NR1D1: variants seen among roughly 807,000 people sequenced by gnomAD.
The protein encoded by NR1D1 is nuclear receptor subfamily 1 group D member 1.
Under a neutral mutation model 51.1 loss-of-function variants are expected in NR1D1, and 17 were observed. That is an observed-to-expected ratio of 0.33 (90% CI 0.23 to 0.50). NR1D1 has a LOEUF of 0.50. Ranked by LOEUF, NR1D1 falls within the 20% of genes least tolerant of loss-of-function variation. The probability of loss-of-function intolerance (pLI) is 0.98; values close to 1 mark genes in which losing one functional copy is unlikely to be tolerated. For missense variants in NR1D1, 647 were observed against 830.4 expected, an observed-to-expected ratio of 0.78 and a Z score of 2.71; for synonymous variants, 341 against 333.4, an observed-to-expected ratio of 1.02 and a Z score of -0.25.
Position 40,097,366 on chromosome 17 carries a change from G to A in NR1D1, c.69C>T (p.Ser23=), listed in dbSNP as rs1219265890. ...GGGATTCAGGGCTGGTGCGGCTTGG[G>A]GAGGAGCCACTGGAGCCAATGTAGG... ...VITYIGSSGS[S]PSRTSPESLY... Residue 23 remains serine, a synonymous_variant, in exon 2 of 8, where the codon TCC becomes TCT. Coordinates refer to ENST00000246672, the MANE Select transcript of NR1D1 (RefSeq NM_021724.5). The A allele has an allele frequency of 6.2e-7, 1 of 1,613,100 alleles. No homozygotes were observed. Among genetic ancestry groups the A allele is most frequent in the Non-Finnish European group, 8.5e-7 (1 of 1,179,638 alleles).
intron 1 of NR1D1, among the ~76,000 whole-genome samples, chr17:40,098,922 G>A (rs1987816897): frequency 6.6e-6 from 1 of 152,156 alleles, no homozygotes; most frequent in South Asian, 2.1e-4. Flanking sequence ...AGTGAGAAGG[G>A]TGGTTAGGGG....
In NR1D1 at chr17:40,096,531, A is replaced by C. The variant is rs1296041206; in HGVS notation, c.516T>G (p.Asn172Lys). The C allele has an allele frequency of 6.2e-7, 1 of 1,614,094 alleles. No homozygotes were observed. ...QNIQYKRCLK[N>K]ENCSIVRINR... ...TGATGCGGACGATGGAGCAATTCTC[A>C]TTCTTCAGACACCTTTTGTACTGGA... is the stretch of plus-strand genomic sequence containing the variant. The change falls in exon 4 of 8, where the codon AAT (asparagine) becomes AAG (lysine). Residue 172 changes from asparagine to lysine, a missense_variant. Physicochemically the swap from Asn to Lys is moderately conservative, Grantham distance 94. Around this residue, in one of 7 missense-constraint regions of NR1D1, gnomAD observed 70 missense variants for 134.8 expected, o/e 0.52. Transcript: ENST00000246672.
Position 40,100,453 on chromosome 17 carries a change from C to T in NR1D1, c.-359G>A, listed in dbSNP as rs1366652150. On this transcript the variant is annotated 5_prime_UTR_variant, in exon 1 of 8. Transcript: ENST00000246672. ...GCGCTGCGGGGTGGCGAATCTGGAGCTCCCGGTGCAAAAGTCCCAGAGGAA... is the reference window on the plus strand; with the variant it reads ...GCGCTGCGGGGTGGCGAATCTGGAGTTCCCGGTGCAAAAGTCCCAGAGGAA... 4.3e-6 allele frequency: 2 copies of T among 463,134 alleles called. No homozygotes were observed. Among genetic ancestry groups the T allele is most frequent in the African/African-American group, 2.0e-5 (1 of 50,584 alleles). The allele number at this position is 463,134 out of a possible 1,614,324, so 28.7% of individuals were successfully genotyped here. A position where few individuals can be genotyped will look rare whatever the true frequency, so the allele number is the denominator to read the frequency against.
chr17:40,096,180 G>C, intron 4 of NR1D1, 93 bp from the exon 5 acceptor site: 3 of 1,510,310 alleles, frequency 2.0e-6, no homozygotes, highest in South Asian at 1.3e-5. Flanking sequence ...GGCCCTGAAG[G>C]CTTGGGGTTT....
At position 40,093,547 on chromosome 17, in the gene NR1D1, G is replaced by T. The variant is rs1598401601; in HGVS notation, c.1646-265C>A. ...TCCCTTCCTCAGCAGGCCAAACATG[G>T]CCAGACTCCCTTGCTTTTTGCTGTG... On this transcript the variant is annotated intron_variant, in intron 7 of 7. Coordinates refer to ENST00000246672, the MANE Select transcript of NR1D1 (RefSeq NM_021724.5). This position sits in a 1 kb window ranked among gnomAD's most constrained non-coding sequence, Gnocchi z 5.9. The T allele has an allele frequency of 8.8e-7, 1 of 1,131,874 alleles. No homozygotes were observed. The highest frequency in any genetic ancestry group is 2.6e-5 in the East Asian group (1 of 38,656). 70.1% of individuals were successfully genotyped at this position (1,131,874 alleles called of 1,614,324 possible).
In NR1D1 at chr17:40,099,325, G is replaced by T. The variant is rs1052161328; in HGVS notation, c.31+739C>A. Among the ~76,000 whole-genome samples the T allele has an allele frequency of 3.3e-5, 5 of 152,242 alleles. No individual in the cohort carries two copies. In the South Asian group the frequency reaches 1.0e-3, roughly 31 times the overall value. ...AGGACAACCTAGGGGAGGAGAGAAG[G>T]GAACACGCGTTGCCGGGGCGACCGG... On this transcript the variant is annotated intron_variant, in intron 1 of 7. Transcript: ENST00000246672.
At position 40,095,641 on chromosome 17, in the gene NR1D1, G is replaced by A; in HGVS notation, c.1051C>T (p.His351Tyr). 1.2e-6 allele frequency: 2 copies of A among 1,612,254 alleles called. No individual in the cohort carries two copies. The highest frequency in any genetic ancestry group is 1.7e-6 in the Non-Finnish European group (2 of 1,178,798). ...NDNNTLAAQR[H>Y]NEALNGLRQA... ...CGCAGACCATTTAGGGCCTCGTTAT[G>A]ACGCTGGGCAGCCAAGGTGTTGTTG... The change falls in exon 5 of 8, where the codon CAT (histidine) becomes TAT (tyrosine). Residue 351 changes from histidine (H) to tyrosine (Y), a missense_variant. His to Tyr is a moderately conservative substitution (Grantham distance 83, BLOSUM62 2). Coordinates refer to ENST00000246672, the MANE Select transcript of NR1D1 (RefSeq NM_021724.5).
intron 4 of NR1D1, 91 bp from the exon 5 acceptor site, chr17:40,096,178 A>G: frequency 6.6e-7 from 1 of 1,515,212 alleles, no homozygotes; most frequent in Non-Finnish European, 8.9e-7. Context: ...AAGGCCCTGA[A>G]GGCTTGGGGT....
intron 6 of NR1D1, 121 bp downstream of exon 6, chr17:40,094,813 GC>G: frequency 1.1e-6 from 1 of 873,628 alleles, no homozygotes; most frequent in South Asian, 1.7e-5. Context: ...TAGGAGAATT[GC>G]TTGAACCCAG....
intron 1 of NR1D1, among the ~76,000 whole-genome samples, chr17:40,098,005 A>C (rs2145104179): frequency 6.6e-6 from 1 of 152,352 alleles, no homozygotes; most frequent in South Asian, 2.1e-4. Context: ...AGTGAGCCAC[A>C]GTGGAGTCTA....
At chr17:40,099,416 C>G (rs994222680) in intron 1 of NR1D1, among the ~76,000 whole-genome samples, 11 of 152,204 alleles carry the variant, frequency 7.2e-5, no homozygotes, top group African/African-American at 2.2e-4. Context: ...GCCACGGCTT[C>G]TGCTGAATGA....
In NR1D1 at chr17:40,096,021, A is replaced by G. The variant is rs1385418968; in HGVS notation, c.671T>C (p.Met224Thr). 2.5e-6 allele frequency: 4 copies of G among 1,612,714 alleles called. No homozygotes were observed. Among genetic ancestry groups the G allele is most frequent in the Non-Finnish European group, 8.5e-7 (1 of 1,179,988 alleles). ...GCTCAACTGGTTGTTGGCCAGGTTC[A>G]TGGCACTCTGCATCTCAGCAAGCAT... ...QRMLAEMQSA[M>T]NLANNQLSSQ... Residue 224 changes from methionine to threonine, a missense_variant, in exon 5 of 8, where the codon ATG (methionine) becomes ACG (threonine). This residue lies in a region of NR1D1 where 48 missense variants were observed against 42.9 expected (regional missense o/e 1.12). Coordinates refer to ENST00000246672, the MANE Select transcript of NR1D1 (RefSeq NM_021724.5).
rs1214982683 is a variant in NR1D1, at chr17:40,093,850, AAG to A, written c.1645+60_1645+61del. ...CTGGCATAGAGTAGGTACTCCATAA[AAG>A]GTGTGTTGAATTGAACTGCGTCTGC... On this transcript the variant is annotated intron_variant, in intron 7 of 7. Coordinates refer to ENST00000246672, the MANE Select transcript of NR1D1 (RefSeq NM_021724.5). This position sits in a 1 kb window ranked among gnomAD's most constrained non-coding sequence, Gnocchi z 5.9. 4 of 1,468,538 alleles carry A rather than the reference AAG, an allele frequency of 2.7e-6. No individual in the cohort carries two copies. The highest frequency in any genetic ancestry group is 3.8e-6 in the Non-Finnish European group (4 of 1,052,890). The allele number at this position is 1,468,538 out of a possible 1,614,324, so 91.0% of individuals were successfully genotyped here.
intron 1 of NR1D1, among the ~76,000 whole-genome samples, chr17:40,098,875 C>T (rs947844991): frequency 6.6e-6 from 1 of 151,910 alleles, no homozygotes; most frequent in East Asian, 1.9e-4. Context: ...AAATGCAGTA[C>T]GGTGAAGTAG....
In NR1D1 at chr17:40,100,549, G is replaced by A. The variant is rs201777452; in HGVS notation, c.-455C>T. The A allele has an allele frequency of 7.9e-5, 35 of 444,680 alleles. No individual in the cohort carries two copies. Among genetic ancestry groups the A allele is most frequent in the Non-Finnish European group, 1.2e-4 (31 of 251,688 alleles). The allele number at this position is 444,680 out of a possible 1,614,324, so 27.5% of individuals were successfully genotyped here. ...GCACCGAGTCGCAAAGAGGCGAGAC[G>A]TGTGCCCTGCTACGTTCCCTCGGCA... is the stretch of plus-strand genomic sequence containing the variant. On this transcript the variant is annotated 5_prime_UTR_variant, in exon 1 of 8. The change creates a new upstream start codon in the 5' untranslated region. Transcript: ENST00000246672.
chr17:40,099,051 C>T (rs574456450), intron 1 of NR1D1, among the ~76,000 whole-genome samples: 1 of 104,488 alleles, frequency 9.6e-6, no homozygotes, highest in Non-Finnish European at 1.9e-5. Flanking sequence ...AGGAGGCAGG[C>T]GGGGGCGGTG....
Position 40,094,041 on chromosome 17 carries a change from G to C in NR1D1, c.1516C>G (p.Gln506Glu), listed in dbSNP as rs746469021. The change falls in exon 7 of 8, where the codon CAG (glutamine) becomes GAG (glutamate). Residue 506 changes from glutamine (Q) to glutamate (E), a missense_variant. Gln to Glu is a conservative substitution (Grantham distance 29, BLOSUM62 2). This residue lies in a region of NR1D1 where 155 missense variants were observed against 236.8 expected (regional missense o/e 0.65). Coordinates refer to ENST00000246672, the MANE Select transcript of NR1D1 (RefSeq NM_021724.5). Reference sequence around the variant, plus strand: ...CCCATGCCCATGGCACCAAGCTCCTGCAGGCTGTAGGTGGTGCGGCTTAGG... The same window carrying C: ...CCCATGCCCATGGCACCAAGCTCCTCCAGGCTGTAGGTGGTGCGGCTTAGG... The part of the protein sequence containing the change: ...MFLSRTTYSL[Q>E]ELGAMGMGDL... The C allele has an allele frequency of 6.2e-7, 1 of 1,614,048 alleles. No homozygotes were observed. The highest frequency in any genetic ancestry group is 8.5e-7 in the Non-Finnish European group (1 of 1,180,000).
Position 40,096,029 on chromosome 17 carries a change from C to T in NR1D1, c.663G>A (p.Gln221=). 1.2e-6 allele frequency: 2 copies of T among 1,612,788 alleles called. No individual in the cohort carries two copies. Among genetic ancestry groups the T allele is most frequent in the Non-Finnish European group, 1.7e-6 (2 of 1,179,994 alleles). The part of the protein sequence containing the change: ...REKQRMLAEM[Q]SAMNLANNQL... Reference sequence around the variant, plus strand: ...GGTTGTTGGCCAGGTTCATGGCACTCTGCATCTCAGCAAGCATCCGCTGCT... The same window carrying T: ...GGTTGTTGGCCAGGTTCATGGCACTTTGCATCTCAGCAAGCATCCGCTGCT... The change falls in exon 5 of 8, where the codon CAG becomes CAA. Residue 221 remains glutamine, a synonymous_variant. Coordinates refer to ENST00000246672, the MANE Select transcript of NR1D1 (RefSeq NM_021724.5).
chr17:40,096,997 TA>T (rs1414253892), intron 2 of NR1D1, 67 bp downstream of exon 2: 1 of 1,458,560 alleles, frequency 6.9e-7, no homozygotes. Context: ...TGGTGTCACG[TA>T]AAAACCCATT....
Sources: gnomAD v4.1 joint callset for allele counts (sites outside exome capture counted in the v4.1 genomes callset) on GRCh38, gnomAD v4.1.1 for gene constraint, gnomAD v4.1.1 regional missense constraint, Gnocchi (gnomAD v3.1) non-coding constraint, MANE v1.5 for transcripts, NCBI Gene and HGNC (gene_info 2026-07-23, HGNC 2026-07-21) for gene names.